Variants in KIZ observed in about 807,000 individuals in gnomAD.
The protein encoded by KIZ is centrosomal protein kizuna.
A neutral mutation model predicts 79.6 loss-of-function variants in KIZ; 68 were observed. The ratio of observed to expected loss-of-function variants is 0.85; its 90% CI spans 0.70 to 1.05. The LOEUF (loss-of-function observed/expected upper bound fraction) is 1.05. KIZ is among the 50% of genes least tolerant of loss of function. KIZ has a pLI of 0.00. For missense variants in KIZ, 797 were observed against 800.4 expected (o/e 1.00, Z 0.05); for synonymous variants, 280 against 281.8 (o/e 0.99, Z 0.06).
intron 1 of KIZ, among the ~76,000 whole-genome samples, chr20:21,130,219 T>C (rs753927237): frequency 1.1e-4 from 16 of 152,232 alleles, no homozygotes; most frequent in Non-Finnish European, 1.9e-4. Context: ...CTGTCTTTCA[T>C]GTTCCTGACA....
intron 1 of KIZ, among the ~76,000 whole-genome samples, chr20:21,127,975 T>G (rs2031590194): frequency 6.6e-6 from 1 of 152,252 alleles, no homozygotes; most frequent in South Asian, 2.1e-4. Flanking sequence ...AATATTATTG[T>G]CTGTATCCAA....
In KIZ at chr20:21,126,222, G is replaced by C; in HGVS notation, c.89+18G>C. On this transcript the variant is annotated intron_variant, in intron 1 of 12. Transcript: ENST00000619189. The stretch of plus-strand genomic sequence containing the variant: ...CGGGACAGGTAAGGGCACTGGGGCG[G>C]GGGTGGGGAGTCGGCCCGCGCCGGG... 7.2e-7 allele frequency: 1 copy of C among 1,394,900 alleles called. No homozygotes were observed. Among genetic ancestry groups the C allele is most frequent in the South Asian group, 1.5e-5 (1 of 67,406 alleles). The allele number at this position is 1,394,900 out of a possible 1,614,324, so 86.4% of individuals were successfully genotyped here.
At chr20:21,220,775 C>T (rs1439547904) in intron 9 of KIZ, among the ~76,000 whole-genome samples, 6 of 152,230 alleles carry the variant, frequency 3.9e-5, no homozygotes, top group East Asian at 1.9e-4. Flanking sequence ...CCGCCACGCC[C>T]GGCCTACCCT....
At chr20:21,133,119 T>G (rs531345033) in intron 2 of KIZ, 2 of 152,370 alleles carry the variant, frequency 1.3e-5, no homozygotes, top group South Asian at 4.1e-4. Flanking sequence ...TTTATCCATG[T>G]CACACTATGA....
At chr20:21,170,010 G>A (rs1454343603) in intron 6 of KIZ, among the ~76,000 whole-genome samples, 1 of 152,082 alleles carries the variant, frequency 6.6e-6, no homozygotes, top group African/African-American at 2.4e-5. Flanking sequence ...TGCCAATTGT[G>A]AATAAAGCTG....
At chr20:21,173,061 G>A (rs1037591436) in intron 6 of KIZ, among the ~76,000 whole-genome samples, 2 of 152,184 alleles carry the variant, frequency 1.3e-5, no homozygotes, top group African/African-American at 4.8e-5. Context: ...ACGTTGTGAA[G>A]GGTCAGTAGG....
chr20:21,237,918 C>T (rs534115615), intron 11 of KIZ, among the ~76,000 whole-genome samples: 198 of 152,338 alleles, frequency 1.3e-3, no homozygotes, highest in Non-Finnish European at 2.1e-3. Flanking sequence ...CAACCTTTGC[C>T]TCCCAGGCTC....
At chr20:21,237,217 G>A (rs111305700) in intron 11 of KIZ, among the ~76,000 whole-genome samples, 2,444 of 147,616 alleles carry the variant, frequency 0.017, 62 homozygotes, top group African/African-American at 0.054. Flanking sequence ...CAGGAGAATC[G>A]TTTGAACCCA....
chr20:21,208,036 A>C (rs929402855), intron 7 of KIZ, among the ~76,000 whole-genome samples: 4 of 152,174 alleles, frequency 2.6e-5, no homozygotes, highest in Non-Finnish European at 4.4e-5. Context: ...ATCTTAAGAA[A>C]GATACTGTTT....
chr20:21,233,773 A>G (rs1406355638), intron 11 of KIZ, among the ~76,000 whole-genome samples: 5 of 152,322 alleles, frequency 3.3e-5, no homozygotes, highest in African/African-American at 9.6e-5. Flanking sequence ...AAACAATACA[A>G]TGTTTTTAGA....
chr20:21,197,744 A>T (rs1161511094), intron 6 of KIZ: 1 of 152,226 alleles, frequency 6.6e-6, no homozygotes, highest in Non-Finnish European at 1.5e-5. Context: ...TATATTACAG[A>T]TATATTTCAG....
At chr20:21,235,312 T>C (rs1009829293) in intron 11 of KIZ, among the ~76,000 whole-genome samples, 3 of 152,210 alleles carry the variant, frequency 2.0e-5, no homozygotes, top group Non-Finnish European at 2.9e-5. Flanking sequence ...TAGAATCCGA[T>C]GTTTATTGTA....
intron 6 of KIZ, among the ~76,000 whole-genome samples, chr20:21,177,809 C>G (rs1447922867): frequency 1.3e-5 from 2 of 151,980 alleles, no homozygotes; most frequent in Non-Finnish European, 2.9e-5. Context: ...CCAGTTTCTC[C>G]CAATACCGTA....
intron 11 of KIZ, among the ~76,000 whole-genome samples, chr20:21,236,997 A>T (rs570369346): frequency 5.5e-5 from 7 of 127,380 alleles, no homozygotes; most frequent in African/African-American, 1.9e-4. Flanking sequence ...GACTCTGTTT[A>T]AAAAAAAAAA....
chr20:21,172,237 T>C (rs1008876906), intron 6 of KIZ, among the ~76,000 whole-genome samples: 1 of 152,210 alleles, frequency 6.6e-6, no homozygotes, highest in Non-Finnish European at 1.5e-5. Context: ...TTGTTCTTGC[T>C]TTATGGTACT....
chr20:21,145,799 A>G (rs774116259), intron 4 of KIZ, 145 bp downstream of exon 4: 1 of 440,914 alleles, frequency 2.3e-6, no homozygotes, highest in Non-Finnish European at 4.1e-6. Context: ...TTTTGCTTAC[A>G]GAATATTGCT....
intron 11 of KIZ, among the ~76,000 whole-genome samples, chr20:21,236,713 G>A (rs2037018514): frequency 6.6e-6 from 1 of 152,120 alleles, no homozygotes; most frequent in Non-Finnish European, 1.5e-5. Context: ...TGATATGACA[G>A]GCCAGGCGCA....
intron 11 of KIZ, among the ~76,000 whole-genome samples, chr20:21,234,665 A>G (rs996162968): frequency 5.9e-5 from 9 of 151,906 alleles, no homozygotes; most frequent in African/African-American, 2.2e-4. Context: ...GAGAATAAAC[A>G]TAACAGTGCA....
intron 6 of KIZ, among the ~76,000 whole-genome samples, chr20:21,179,266 T>C (rs1027443690): frequency 6.6e-6 from 1 of 150,986 alleles, no homozygotes; most frequent in Non-Finnish European, 1.5e-5. Flanking sequence ...TCCTTACTAG[T>C]TTTAGGTCTG....
Sources: allele counts gnomAD v4.1 joint callset (sites outside exome capture counted in the v4.1 genomes callset), GRCh38; gene constraint gnomAD v4.1.1; transcripts MANE v1.5; gene names NCBI Gene and HGNC (gene_info 2026-07-23, HGNC 2026-07-21).